The following ABLIM1 variants were observed in gnomAD, a reference collection of about 807,000 sequenced individuals.
ABLIM1 encodes the protein actin-binding LIM protein 1.
A neutral mutation model predicts 107.0 loss-of-function variants in ABLIM1; 40 were observed. That is an observed-to-expected ratio of 0.37 (90% CI 0.29 to 0.49). ABLIM1 has a LOEUF of 0.49. Among genes scored for constraint, ABLIM1 ranks in the 20% least tolerant of loss-of-function variants. The pLI is 0.97. For missense variants in ABLIM1, 857 were observed against 1,008.5 expected (o/e 0.85, Z 2.04); for synonymous variants, 357 against 357.3 (o/e 1.00, Z 0.01).
At chr10:114,591,158 T>A (rs1355736709) in intron 2 of ABLIM1, among the ~76,000 whole-genome samples, 1 of 152,178 alleles carries the variant, frequency 6.6e-6, no homozygotes, top group Non-Finnish European at 1.5e-5. Flanking sequence ...ATGGCTATAA[T>A]ATGGTAAAGT....
chr10:114,561,745 G>T (rs906152189), intron 4 of ABLIM1, among the ~76,000 whole-genome samples: 2 of 152,178 alleles, frequency 1.3e-5, no homozygotes, highest in Non-Finnish European at 2.9e-5. Context: ...TTTAGATGTG[G>T]GCTTTATCAC....
intron 6 of ABLIM1, among the ~76,000 whole-genome samples, chr10:114,493,809 T>C (rs1369547486): frequency 6.6e-6 from 1 of 152,198 alleles, no homozygotes; most frequent in Non-Finnish European, 1.5e-5. Flanking sequence ...AACTAAATAT[T>C]GTAAAGATGC....
chr10:114,474,738 T>C (rs536649596), intron 8 of ABLIM1, among the ~76,000 whole-genome samples: 1 of 152,266 alleles, frequency 6.6e-6, no homozygotes, highest in Admixed American at 6.5e-5. Flanking sequence ...TCTCCAGCAT[T>C]GATATAGTTT....
At chr10:114,784,684 GA>G in the ABLIM1 span, among the ~76,000 whole-genome samples, 5 of 60,546 alleles carry the variant, frequency 8.3e-5, no homozygotes, top group Non-Finnish European at 1.7e-4. Flanking sequence ...AAAAAAAAAA[GA>G]AAAAGAAAAA....
chr10:114,439,116 T>C lies in ABLIM1; in HGVS notation c.2142+60A>G, dbSNP rs558984043. The C allele has an allele frequency of 2.5e-6, 4 of 1,583,386 alleles. No homozygotes were observed. The African/African-American group carries it at 4.0e-5, about 16-fold the overall frequency. ...TTGAGAATGATGAAAAGATAGAACA[T>C]CAAATCTGTTTAGGGTTACGCCATT... On this transcript the variant is annotated intron_variant, in intron 21 of 22. Coordinates refer to ENST00000533213, the MANE Select transcript of ABLIM1 (RefSeq NM_002313.7).
At chr10:114,511,301 C>A (rs141416510) in intron 6 of ABLIM1, among the ~76,000 whole-genome samples, 2 of 151,918 alleles carry the variant, frequency 1.3e-5, no homozygotes, top group Non-Finnish European at 2.9e-5. Flanking sequence ...GCTGAATCCA[C>A]GAGATTTTAT....
At chr10:114,477,119 T>C (rs2056570393) in intron 8 of ABLIM1, among the ~76,000 whole-genome samples, 1 of 152,144 alleles carries the variant, frequency 6.6e-6, no homozygotes, top group Non-Finnish European at 1.5e-5. Flanking sequence ...ACACTCTAGG[T>C]CCACAGCCCA....
intron 1 of ABLIM1, among the ~76,000 whole-genome samples, 193 bp from the exon 2 acceptor site, chr10:114,602,154 G>A (rs572198303): frequency 2.0e-4 from 30 of 152,084 alleles, no homozygotes; most frequent in Admixed American, 5.9e-4. Context: ...TGACAGTCCC[G>A]GGGGGAAAAC....
chr10:114,744,396 G>A (rs894289327), intron 1 of ABLIM1, among the ~76,000 whole-genome samples: 10 of 152,052 alleles, frequency 6.6e-5, no homozygotes, highest in Admixed American at 1.3e-4. Context: ...TGATACGACC[G>A]GAAAAATGCA....
intron 2 of ABLIM1, among the ~76,000 whole-genome samples, chr10:114,589,106 A>C (rs2074526722): frequency 6.6e-6 from 1 of 152,152 alleles, no homozygotes; most frequent in African/African-American, 2.4e-5. Flanking sequence ...TAAAAGTTTT[A>C]AAAACACAAA....
chr10:114,578,787 T>TTC (rs1226595887), intron 2 of ABLIM1, among the ~76,000 whole-genome samples: 3 of 142,752 alleles, frequency 2.1e-5, no homozygotes, highest in African/African-American at 5.2e-5. Flanking sequence ...TTTCTTTTCT[T>TTC]TTTTTTTTTT....
chr10:114,738,898 T>C (rs568270083), intron 1 of ABLIM1, among the ~76,000 whole-genome samples: 1 of 152,064 alleles, frequency 6.6e-6, no homozygotes, highest in Non-Finnish European at 1.5e-5. Flanking sequence ...ATAAGGGAAA[T>C]GATTCCCTTC....
rs925681186 is a variant in ABLIM1 at position 114,431,745 on chromosome 10, T to A, written c.*4515A>T. 6.6e-6 allele frequency: 1 copy of A among 152,238 alleles called. No homozygotes were observed. Among genetic ancestry groups the A allele is most frequent in the African/African-American group, 2.4e-5 (1 of 41,462 alleles). The allele number at this position is 152,238 out of a possible 1,614,324, so 9.4% of individuals were successfully genotyped here. A position where few individuals can be genotyped will look rare whatever the true frequency, so the allele number is the denominator to read the frequency against. On this transcript the variant is annotated 3_prime_UTR_variant, in exon 23 of 23. Coordinates refer to ENST00000533213, the MANE Select transcript of ABLIM1 (RefSeq NM_002313.7). ...CACTTTTGGGAATAATTTTATTGAATAACAACCACCACTCAATTACACTAA... is the reference window on the plus strand; with the variant it reads ...CACTTTTGGGAATAATTTTATTGAAAAACAACCACCACTCAATTACACTAA...
chr10:114,611,457 G>A (rs1344062680), intron 1 of ABLIM1, among the ~76,000 whole-genome samples: 1 of 141,714 alleles, frequency 7.1e-6, no homozygotes, highest in Non-Finnish European at 1.6e-5. Context: ...GGTGACAGGT[G>A]AGACTCTGCC....
At chr10:114,492,352 TAA>T (rs1399081321) in intron 6 of ABLIM1, among the ~76,000 whole-genome samples, 2 of 152,196 alleles carry the variant, frequency 1.3e-5, no homozygotes, top group Non-Finnish European at 2.9e-5. Flanking sequence ...AAAGCTATAG[TAA>T]AATACATCAT....
intron 2 of ABLIM1, among the ~76,000 whole-genome samples, chr10:114,585,250 A>G (rs573027086): frequency 6.6e-6 from 1 of 152,254 alleles, no homozygotes; most frequent in African/African-American, 2.4e-5. Context: ...ATTCTCTACT[A>G]TTCCTTTCCC....
At position 114,702,612 on chromosome 10, in the gene ABLIM1, C is replaced by T. The variant is rs926339785; in HGVS notation, c.-213+65449G>A. 7.3e-5 allele frequency among the ~76,000 whole-genome samples: 11 copies of T among 151,188 alleles called. No individual in the cohort carries two copies. In the Middle Eastern group the frequency reaches 0.014, roughly 187 times the overall value. ...CGCGATCTCGGCTCACTGCAAGCTCCGCCTCCCGGGTTCACGCCATTCTCT... is the reference window on the plus strand; with the variant it reads ...CGCGATCTCGGCTCACTGCAAGCTCTGCCTCCCGGGTTCACGCCATTCTCT... On this transcript the variant is annotated intron_variant, in intron 1 of 15. Transcript: ENST00000651092.
intron 2 of ABLIM1, among the ~76,000 whole-genome samples, chr10:114,583,488 T>C (rs1195759788): frequency 4.4e-4 from 13 of 29,488 alleles, no homozygotes; most frequent in Non-Finnish European, 1.0e-3. Flanking sequence ...TATATATATA[T>C]ATATATATAT....
chr10:114,480,755 T>C (rs908535264), intron 8 of ABLIM1, among the ~76,000 whole-genome samples: 4 of 152,220 alleles, frequency 2.6e-5, no homozygotes, highest in Admixed American at 6.5e-5. Flanking sequence ...ATTCAGTCTG[T>C]CATGATGAAG....
Sources: allele counts gnomAD v4.1 joint callset (sites outside exome capture counted in the v4.1 genomes callset), GRCh38; gene constraint gnomAD v4.1.1; transcripts MANE v1.5; gene names NCBI Gene and HGNC (gene_info 2026-07-23, HGNC 2026-07-21).